Variants in IGSF9B observed in about 807,000 individuals in gnomAD.
IGSF9B encodes immunoglobulin superfamily member 9B, also known as protein turtle homolog B.
Under a neutral mutation model 143.7 loss-of-function variants are expected in IGSF9B, and 48 were observed. The observed-to-expected ratio is 0.33, with a 90% confidence interval of 0.26 to 0.42. The LOEUF (loss-of-function observed/expected upper bound fraction) is 0.42. Ranked by LOEUF, IGSF9B falls within the 20% of genes least tolerant of loss-of-function variation. The probability of loss-of-function intolerance (pLI) is 1.00; values close to 1 mark genes in which losing one functional copy is unlikely to be tolerated. For synonymous variants in IGSF9B, 903 were observed against 833.1 expected (o/e 1.08, Z -1.44); for missense variants, 1,706 against 1,980.0 (o/e 0.86, Z 2.63).
At chr11:133,922,279 C>A in intron 16 of IGSF9B, 57 bp from the exon 17 acceptor site, 1 of 1,467,780 alleles carries the variant, frequency 6.8e-7, no homozygotes, top group Non-Finnish European at 9.5e-7. Context: ...CCACGCAGCA[C>A]GCGCATCTGC....
Position 133,932,213 on chromosome 11 carries a change from T to A in IGSF9B, c.968A>T (p.Tyr323Phe). ...GGGCATGTTGAGGACACGCGCTGGGTCTGCATAGAGGAAGCGCAGGTGAGA... is the reference window on the plus strand; with the variant it reads ...GGGCATGTTGAGGACACGCGCTGGGACTGCATAGAGGAAGCGCAGGTGAGA... ...PSASAYLTVQ[Y>F]PARVLNMPPV... The change falls in exon 8 of 20, where the codon TAC becomes TTC. Residue 323 changes from tyrosine (Y) to phenylalanine (F), a missense_variant and splice_region_variant. Transcript: ENST00000533871. 1 of 1,557,342 alleles carries A rather than the reference T, an allele frequency of 6.4e-7. No homozygotes were observed. The highest frequency in any genetic ancestry group is 8.7e-7 in the Non-Finnish European group (1 of 1,150,460).
Position 133,921,193 on chromosome 11 carries a change from G to C in IGSF9B, c.2532C>G (p.Thr844=), listed in dbSNP as rs1939528144. The C allele has an allele frequency of 6.2e-7, 1 of 1,608,908 alleles. No individual in the cohort carries two copies. Among genetic ancestry groups the C allele is most frequent in the Non-Finnish European group, 8.5e-7 (1 of 1,177,018 alleles). Residue 844 remains threonine (T), a synonymous_variant, in exon 18 of 20, where the codon ACC becomes ACG. Coordinates refer to ENST00000533871, the MANE Select transcript of IGSF9B (RefSeq NM_001277285.4). ...VAKAEAEAEA[T]TPIELISRGP... ...CTCTGCTGATGAGCTCGATGGGCGT[G>C]GTGGCCTCTGCCTCGGCCTCTGCCT... is the stretch of plus-strand genomic sequence containing the variant.
At chr11:133,943,447 G>A (rs944118229) in intron 3 of IGSF9B, among the ~76,000 whole-genome samples, 1 of 152,132 alleles carries the variant, frequency 6.6e-6, no homozygotes, top group African/African-American at 2.4e-5. Context: ...CTCCCTCCAG[G>A]GAGACCCCGA....
chr11:133,897,855 A>G lies in IGSF9B; in HGVS notation c.*11214T>C, dbSNP rs1015145799. On this transcript the variant is annotated 3_prime_UTR_variant, in exon 20 of 20. Transcript: ENST00000533871. Reference sequence around the variant, plus strand: ...GTTGGTTTGTCTTTAATGTTGAACAAAAGTCAGCCAACCCATACCATAAAG... The same window carrying G: ...GTTGGTTTGTCTTTAATGTTGAACAGAAGTCAGCCAACCCATACCATAAAG... 5.3e-5 allele frequency: 8 copies of G among 152,222 alleles called. No homozygotes were observed. The highest frequency in any genetic ancestry group is 1.9e-4 in the African/African-American group (8 of 41,440). The allele number at this position is 152,222 out of a possible 1,614,324, so 9.4% of individuals were successfully genotyped here. A position where few individuals can be genotyped will look rare whatever the true frequency, so the allele number is the denominator to read the frequency against.
In IGSF9B at chr11:133,920,981, A is replaced by C. The variant is rs748096109; in HGVS notation, c.2744T>G (p.Leu915Arg). Reference protein sequence around the residue: ...VAALKSQLTPLSSSQESYLPP... With the variant: ...VAALKSQLTPRSSSQESYLPP... Reference sequence around the variant, plus strand: ...CAGGTAGGACTCCTGGCTGGATGACAGAGGGGTGAGCTGGGACTTCAGGGC... The same window carrying C: ...CAGGTAGGACTCCTGGCTGGATGACCGAGGGGTGAGCTGGGACTTCAGGGC... The change falls in exon 18 of 20, where the codon CTG becomes CGG. Residue 915 changes from leucine to arginine, a missense_variant. Leu to Arg is a moderately radical substitution (Grantham distance 102). Transcript: ENST00000533871. 1 of 1,611,004 alleles carries C rather than the reference A, an allele frequency of 6.2e-7. No homozygotes were observed. Among genetic ancestry groups the C allele is most frequent in the Non-Finnish European group, 8.5e-7 (1 of 1,178,070 alleles).
intron 1 of IGSF9B, among the ~76,000 whole-genome samples, chr11:133,955,779 C>T (rs1940239416): frequency 6.6e-6 from 1 of 152,224 alleles, no homozygotes; most frequent in African/African-American, 2.4e-5. Flanking sequence ...CTCACGCACG[C>T]ATCACCCAAC....
intron 5 of IGSF9B, 88 bp downstream of exon 5, chr11:133,937,288 G>T: frequency 1.1e-6 from 1 of 940,396 alleles, no homozygotes; most frequent in Non-Finnish European, 1.6e-6. Context: ...CCCCAGCTGA[G>T]CCCTGGGAAA....
At position 133,911,904 on chromosome 11, in the gene IGSF9B, T is replaced by C; in HGVS notation, c.4087A>G (p.Lys1363Glu). ...CATTTACCGGATCGTTTCTTTGACT[T>C]CGAAGAGCCCTTGGATGACTTTTTG... Reference protein sequence around the residue: ...KPKKSSKGSSKSKKRSDDSAS... With the variant: ...KPKKSSKGSSESKKRSDDSAS... The change falls in exon 19 of 20, where the codon AAG (lysine) becomes GAG (glutamate). Residue 1363 changes from lysine to glutamate, a missense_variant. Physicochemically the swap from Lys to Glu is moderately conservative, Grantham distance 56. This residue lies in a region of IGSF9B where 880 missense variants were observed against 762.9 expected (regional missense o/e 1.15). Transcript: ENST00000533871. The C allele has an allele frequency of 6.5e-7, 1 of 1,531,652 alleles. No individual in the cohort carries two copies. Among genetic ancestry groups the C allele is most frequent in the Non-Finnish European group, 8.7e-7 (1 of 1,145,564 alleles). The allele number at this position is 1,531,652 out of a possible 1,614,324, so 94.9% of individuals were successfully genotyped here.
Position 133,931,640 on chromosome 11 carries a change from G to A in IGSF9B, c.1251+15C>T, listed in dbSNP as rs767791423. ...TGCCCAGCTCATGGAGGCCGTCACA[G>A]CCCTGGGACCTCACCTTCAGGACAA... is the stretch of plus-strand genomic sequence containing the variant. On this transcript the variant is annotated intron_variant, in intron 9 of 19. Transcript: ENST00000533871. The surrounding 1 kb of genome is among the most constrained non-coding windows in gnomAD (Gnocchi z 7.7). 4.4e-6 allele frequency: 7 copies of A among 1,608,448 alleles called. No homozygotes were observed. Among genetic ancestry groups the A allele is most frequent in the Non-Finnish European group, 5.9e-6 (7 of 1,176,592 alleles).
chr11:133,949,399 A>G (rs1591726916), intron 1 of IGSF9B, among the ~76,000 whole-genome samples: 1 of 152,166 alleles, frequency 6.6e-6, no homozygotes, highest in Non-Finnish European at 1.5e-5. Context: ...AAGCCTGATC[A>G]TTTCTGAGCC....
chr11:133,920,135 T>C lies in IGSF9B; in HGVS notation c.3590A>G (p.Gln1197Arg), dbSNP rs1939491565. ...AEPSLHQVVL[Q>R]PSRLSPLTQS... ...GGTCAGAGGTGAGAGCCGGGAGGGC[T>C]GTAGCACCACTTGATGTAAACTGGG... The change falls in exon 18 of 20, where the codon CAG becomes CGG. Residue 1197 changes from glutamine (Q) to arginine (R), a missense_variant. Physicochemically the swap from Gln to Arg is conservative, Grantham distance 43 (BLOSUM62 1). Transcript: ENST00000533871. 3 of 1,511,346 alleles carry C rather than the reference T, an allele frequency of 2.0e-6. No homozygotes were observed. The highest frequency in any genetic ancestry group is 2.7e-5 in the South Asian group (2 of 74,576). 93.6% of individuals were successfully genotyped at this position (1,511,346 alleles called of 1,614,324 possible). A position where few individuals can be genotyped will look rare whatever the true frequency, so the allele number is the denominator to read the frequency against.
chr11:133,926,080 CG>C, intron 13 of IGSF9B, 115 bp from the exon 14 acceptor site: 1 of 742,700 alleles, frequency 1.3e-6, no homozygotes, highest in Non-Finnish European at 2.3e-6. Flanking sequence ...AGTCAGGGCC[CG>C]GGGCCCAGGG....
At position 133,919,762 on chromosome 11, in the gene IGSF9B, T is replaced by C. The variant is rs1286266313; in HGVS notation, c.3963A>G (p.Pro1321=). The change falls in exon 18 of 20, where the codon CCA becomes CCG. Residue 1321 remains proline (P), a synonymous_variant. Transcript: ENST00000533871. The part of the protein sequence containing the change: ...GEELLRPETP[P]PTLPTSGTLP... ...CTCACCCTGAAGTAGGTAACGTGGGTGGTGGGGTCTCCGGTCGGAGCAATT... is the reference window on the plus strand; with the variant it reads ...CTCACCCTGAAGTAGGTAACGTGGGCGGTGGGGTCTCCGGTCGGAGCAATT... The C allele has an allele frequency of 6.8e-7, 1 of 1,469,898 alleles. No homozygotes were observed. Among genetic ancestry groups the C allele is most frequent in the Non-Finnish European group, 9.0e-7 (1 of 1,107,564 alleles). 91.1% of individuals were successfully genotyped at this position (1,469,898 alleles called of 1,614,324 possible). A position where few individuals can be genotyped will look rare whatever the true frequency, so the allele number is the denominator to read the frequency against.
At chr11:133,946,015 G>A in intron 2 of IGSF9B, 46 bp downstream of exon 2, 1 of 1,359,190 alleles carries the variant, frequency 7.4e-7, no homozygotes, top group Non-Finnish European at 1.0e-6. Context: ...CCGAGGAGCT[G>A]ACTCCAGCTG....
At chr11:133,947,676 G>A (rs961068296) in intron 1 of IGSF9B, among the ~76,000 whole-genome samples, 12 of 150,204 alleles carry the variant, frequency 8.0e-5, no homozygotes, top group African/African-American at 2.7e-4. Flanking sequence ...GTCTGTGCAC[G>A]CACACACACA....
intron 12 of IGSF9B, among the ~76,000 whole-genome samples, chr11:133,929,356 T>C (rs746173952): frequency 2.0e-5 from 3 of 152,184 alleles, no homozygotes; most frequent in Non-Finnish European, 4.4e-5. Context: ...GGCAGGAGTC[T>C]CTTCCAGGCT....
At position 133,920,100 on chromosome 11, in the gene IGSF9B, G is replaced by C; in HGVS notation, c.3625C>G (p.Leu1209Val). The C allele has an allele frequency of 6.6e-7, 1 of 1,520,046 alleles. No individual in the cohort carries two copies. The highest frequency in any genetic ancestry group is 8.8e-7 in the Non-Finnish European group (1 of 1,134,530). 94.2% of individuals were successfully genotyped at this position (1,520,046 alleles called of 1,614,324 possible). ...TCAGGGGAGCCGGTGCGGGAGCTGA[G>C]GGGGCTTTGGGTCAGAGGTGAGAGC... ...SRLSPLTQSPLSSRTGSPELA... is the reference protein window; with the variant it reads ...SRLSPLTQSPVSSRTGSPELA... The change falls in exon 18 of 20, where the codon CTC (leucine) becomes GTC (valine). Residue 1209 changes from leucine to valine, a missense_variant. By Grantham distance (32) the Leu-to-Val change is conservative (BLOSUM62 1). Coordinates refer to ENST00000533871, the MANE Select transcript of IGSF9B (RefSeq NM_001277285.4).
At chr11:133,930,297 G>A (rs537061823) in intron 11 of IGSF9B, among the ~76,000 whole-genome samples, 4 of 152,286 alleles carry the variant, frequency 2.6e-5, no homozygotes, top group African/African-American at 9.6e-5. Flanking sequence ...AAGCATTCGG[G>A]CCACGGCAAC....
In IGSF9B at chr11:133,945,872, C is replaced by T. The variant is rs1565448315; in HGVS notation, c.262+189G>A. Among the ~76,000 whole-genome samples, 1 of 152,054 alleles carries T rather than the reference C, an allele frequency of 6.6e-6. No homozygotes were observed. Among genetic ancestry groups the T allele is most frequent in the Non-Finnish European group, 1.5e-5 (1 of 68,020 alleles). On this transcript the variant is annotated intron_variant, in intron 2 of 19. Coordinates refer to ENST00000533871, the MANE Select transcript of IGSF9B (RefSeq NM_001277285.4). This position sits in a 1 kb window ranked among gnomAD's most constrained non-coding sequence, Gnocchi z 4.6. ...TGCTGTTCAGAAGGCTTTACCCTGC[C>T]CCACCTCCACAGCCCTCTCCTCCCA...
Sources: allele counts gnomAD v4.1 joint callset (sites outside exome capture counted in the v4.1 genomes callset), GRCh38; gene constraint gnomAD v4.1.1; regional missense constraint gnomAD v4.1.1; non-coding constraint Gnocchi (gnomAD v3.1); transcripts MANE v1.5; gene names NCBI Gene and HGNC (gene_info 2026-07-23, HGNC 2026-07-21).